The following KHDRBS2 variants were observed in gnomAD, a reference collection of about 807,000 sequenced individuals.
The protein encoded by KHDRBS2 is KH domain-containing, RNA-binding, signal transduction-associated protein 2.
A neutral mutation model predicts 44.3 loss-of-function variants in KHDRBS2; 26 were observed. The observed-to-expected ratio is 0.59, with a 90% CI of 0.43 to 0.81. The LOEUF (loss-of-function observed/expected upper bound fraction) is 0.81. Ranked by LOEUF, KHDRBS2 falls within the 40% of genes least tolerant of loss-of-function variation. The probability of loss-of-function intolerance (pLI) is 0.00; values close to 1 mark genes in which losing one functional copy is unlikely to be tolerated. For missense variants in KHDRBS2, 476 were observed against 433.1 expected (o/e 1.10, Z -0.88); for synonymous variants, 194 against 151.1 (o/e 1.28, Z -2.08).
intron 4 of KHDRBS2, among the ~76,000 whole-genome samples, chr6:61,924,939 G>C (rs1417626848): frequency 1.3e-5 from 2 of 152,078 alleles, no homozygotes; most frequent in Non-Finnish European, 2.9e-5. Flanking sequence ...GGGTAGGGTG[G>C]TCGGACATTC....
intron 1 of KHDRBS2, among the ~76,000 whole-genome samples, chr6:62,256,323 C>T (rs532524678): frequency 6.6e-6 from 1 of 151,958 alleles, no homozygotes; most frequent in African/African-American, 2.4e-5. Flanking sequence ...TTGGCTGTGT[C>T]CCCACCCAAA....
the KHDRBS2 span, among the ~76,000 whole-genome samples, chr6:61,662,285 C>G: frequency 3.0e-4 from 46 of 151,944 alleles, no homozygotes; most frequent in Non-Finnish European, 5.7e-4. Flanking sequence ...GACCTAAAAC[C>G]ATAAAAACCC....
intron 6 of KHDRBS2, among the ~76,000 whole-genome samples, chr6:61,849,271 A>G (rs985869209): frequency 9.2e-5 from 14 of 152,088 alleles, no homozygotes; most frequent in Non-Finnish European, 1.3e-4. Context: ...TCTCTAATTA[A>G]TTAATTAGTT....
At chr6:62,020,203 A>C (rs1781998819) in intron 3 of KHDRBS2, among the ~76,000 whole-genome samples, 1 of 151,964 alleles carries the variant, frequency 6.6e-6, no homozygotes, top group Admixed American at 6.6e-5. Flanking sequence ...TTTAATTGCC[A>C]AATATTTGGG....
At chr6:62,150,375 T>C (rs1814885522) in intron 2 of KHDRBS2, among the ~76,000 whole-genome samples, 3 of 152,196 alleles carry the variant, frequency 2.0e-5, no homozygotes, top group Non-Finnish European at 2.9e-5. Flanking sequence ...TGTTAAGTGT[T>C]TGACATATAC....
rs79243521 is a variant in KHDRBS2, at chr6:61,928,529, C to G, written c.484-27158G>C. On this transcript the variant is annotated intron_variant, in intron 4 of 8. Transcript: ENST00000281156. ...GTACTAAATTATTCATATTGTTATT[C>G]ACAATGATCAAATATCATACAATTA... Among the ~76,000 whole-genome samples the G allele has an allele frequency of 1.2e-3, 183 of 151,712 alleles. 2 individuals carry two copies. In the East Asian group the frequency reaches 0.018, roughly 15 times the overall value.
intron 6 of KHDRBS2, among the ~76,000 whole-genome samples, chr6:61,833,561 G>A (rs2127264482): frequency 6.6e-6 from 1 of 152,184 alleles, no homozygotes; most frequent in East Asian, 1.9e-4. Context: ...GAAGACATTT[G>A]GTCGTGAGCT....
chr6:61,591,515 C>A, the KHDRBS2 span, among the ~76,000 whole-genome samples: 1 of 152,040 alleles, frequency 6.6e-6, no homozygotes, highest in Non-Finnish European at 1.5e-5. Context: ...TCCTGTTGGT[C>A]AGGATGATTT....
At chr6:61,771,473 A>T (rs1461575123) in intron 6 of KHDRBS2, among the ~76,000 whole-genome samples, 2 of 152,190 alleles carry the variant, frequency 1.3e-5, no homozygotes, top group Non-Finnish European at 2.9e-5. Flanking sequence ...ATAGGCTCAA[A>T]ATAAAGGGAT....
chr6:62,165,172 CT>C (rs1337391444), intron 2 of KHDRBS2, among the ~76,000 whole-genome samples: 1 of 151,406 alleles, frequency 6.6e-6, no homozygotes, highest in Non-Finnish European at 1.5e-5. Context: ...TCATTTCAAT[CT>C]TTTTTTGGAA....
chr6:61,861,559 T>C (rs1243660777), intron 6 of KHDRBS2, among the ~76,000 whole-genome samples: 1 of 151,526 alleles, frequency 6.6e-6, no homozygotes, highest in South Asian at 2.1e-4. Context: ...CTCTATTCTG[T>C]TCCATTGGTC....
Position 62,123,584 on chromosome 6 carries a change from T to A in KHDRBS2, c.219+53601A>T, listed in dbSNP as rs189685167. ...TTTGTAAATGGTATAGCCAGCCTCT[T>A]AATATCTTAGATATATTGAGATGCA... On this transcript the variant is annotated intron_variant, in intron 2 of 8. Coordinates refer to ENST00000281156, the MANE Select transcript of KHDRBS2 (RefSeq NM_152688.4). 2.1e-3 allele frequency among the ~76,000 whole-genome samples: 321 copies of A among 152,348 alleles called. 2 individuals carry two copies. Among genetic ancestry groups the A allele is most frequent in the African/African-American group, 7.3e-3 (303 of 41,576 alleles).
At chr6:61,607,991 A>T in the KHDRBS2 span, among the ~76,000 whole-genome samples, 1 of 152,160 alleles carries the variant, frequency 6.6e-6, no homozygotes, top group Non-Finnish European at 1.5e-5. Context: ...CCCGGCCTAG[A>T]AATTTCTTTA....
chr6:61,576,869 TA>T, the KHDRBS2 span, among the ~76,000 whole-genome samples: 1 of 152,186 alleles, frequency 6.6e-6, no homozygotes, highest in Admixed American at 6.6e-5. Context: ...GCAGTTAAAA[TA>T]CTGTCTAATT....
chr6:61,867,909 G>T (rs1169696008), intron 6 of KHDRBS2, among the ~76,000 whole-genome samples: 2 of 152,142 alleles, frequency 1.3e-5, no homozygotes, highest in African/African-American at 4.8e-5. Flanking sequence ...GGGGTTGGGA[G>T]TTCTCCCTAG....
chr6:61,608,278 A>C, the KHDRBS2 span, among the ~76,000 whole-genome samples: 1 of 151,022 alleles, frequency 6.6e-6, no homozygotes, highest in Admixed American at 6.6e-5. Context: ...ATACACACAT[A>C]CTCAACTCTC....
At chr6:62,098,201 GTTCATATAC>G in intron 2 of KHDRBS2, among the ~76,000 whole-genome samples, 1 of 142,832 alleles carries the variant, frequency 7.0e-6, no homozygotes, top group African/African-American at 2.6e-5. Flanking sequence ...TTATGAATTT[GTTCATATAC>G]TTACTCTTAC....
rs531498715 is a variant in KHDRBS2 at position 61,966,989 on chromosome 6, G to T, written c.483+11077C>A. ...AAATTCCTAATTATGTTTAATAAATGAATGGGATAGTTTTATACACTGAGA... is the reference window on the plus strand; with the variant it reads ...AAATTCCTAATTATGTTTAATAAATTAATGGGATAGTTTTATACACTGAGA... On this transcript the variant is annotated intron_variant, in intron 4 of 8. Coordinates refer to ENST00000281156, the MANE Select transcript of KHDRBS2 (RefSeq NM_152688.4). Among the ~76,000 whole-genome samples the T allele has an allele frequency of 9.3e-5, 14 of 150,088 alleles. No homozygotes were observed. The South Asian group carries it at 3.0e-3, about 32-fold the overall frequency.
chr6:61,706,239 C>T (rs1246031287), intron 7 of KHDRBS2, among the ~76,000 whole-genome samples: 1 of 151,796 alleles, frequency 6.6e-6, no homozygotes, highest in Non-Finnish European at 1.5e-5. Context: ...TGCCACTGAT[C>T]AATCACCTTA....
Sources: allele counts gnomAD v4.1 joint callset (sites outside exome capture counted in the v4.1 genomes callset), GRCh38; gene constraint gnomAD v4.1.1; transcripts MANE v1.5; gene names NCBI Gene and HGNC (gene_info 2026-07-23, HGNC 2026-07-21).